KCNT2: variants seen among roughly 807,000 people sequenced by gnomAD.
KCNT2 encodes potassium sodium-activated channel subfamily T member 2, also known as potassium channel subfamily T member 2.
A neutral mutation model predicts 153.8 loss-of-function variants in KCNT2; 67 were observed. That is an observed-to-expected ratio of 0.44 (90% CI 0.36 to 0.53). The LOEUF is 0.53. KCNT2 is among the 20% of genes least tolerant of loss of function. The pLI, the probability that KCNT2 is intolerant of heterozygous loss-of-function variation, is 0.00. For missense variants in KCNT2, 975 were observed against 1,354.8 expected, an observed-to-expected ratio of 0.72 and a Z score of 4.40; for synonymous variants, 500 against 458.8, an observed-to-expected ratio of 1.09 and a Z score of -1.15.
chr1:196,309,464 G>T (rs574277725), intron 21 of KCNT2, among the ~76,000 whole-genome samples: 3 of 151,910 alleles, frequency 2.0e-5, no homozygotes, highest in South Asian at 2.1e-4. Flanking sequence ...GTGGCTTCTG[G>T]AGTTGAAATT....
intron 1 of KCNT2, among the ~76,000 whole-genome samples, chr1:196,599,273 G>A (rs1326110766): frequency 6.6e-6 from 1 of 152,184 alleles, no homozygotes; most frequent in Non-Finnish European, 1.5e-5. Flanking sequence ...TTCCCACAGG[G>A]AGTTAAATGA....
chr1:196,289,878 C>G (rs1014102830), intron 22 of KCNT2, among the ~76,000 whole-genome samples: 8 of 151,864 alleles, frequency 5.3e-5, no homozygotes, highest in African/African-American at 1.9e-4. Context: ...TAAAAGAATA[C>G]CAATGACATT....
At position 196,429,704 on chromosome 1, in the gene KCNT2, T is replaced by A. The variant is rs1266489977; in HGVS notation, c.692A>T (p.Asp231Val). ...CGTCACAATGCAGAAATAAAGGGAGTCAAAGAGATTCAGCTTCTTTCCTAT... is the reference window on the plus strand; with the variant it reads ...CGTCACAATGCAGAAATAAAGGGAGACAAAGAGATTCAGCTTCTTTCCTAT... ...ERIGKKLNLF[D>V]SLYFCIVTFS... The change falls in exon 9 of 28, where the codon GAC (aspartate) becomes GTC (valine). Residue 231 changes from aspartate (D) to valine (V), a missense_variant. By Grantham distance (152) the Asp-to-Val change is radical (BLOSUM62 -3). This residue lies in a region of KCNT2 where 202 missense variants were observed against 314.9 expected (regional missense o/e 0.64). Coordinates refer to ENST00000294725, the MANE Select transcript of KCNT2 (RefSeq NM_198503.5). 1 of 1,610,978 alleles carries A rather than the reference T, an allele frequency of 6.2e-7. No homozygotes were observed. Among genetic ancestry groups the A allele is most frequent in the Non-Finnish European group, 8.5e-7 (1 of 1,178,688 alleles).
chr1:196,301,547 T>C lies in KCNT2; in HGVS notation c.2595+3687A>G, dbSNP rs2147963380. Among the ~76,000 whole-genome samples, 3 of 152,278 alleles carry C rather than the reference T, an allele frequency of 2.0e-5. No homozygotes were observed. In the South Asian group the frequency reaches 6.2e-4, roughly 32 times the overall value. ...AGTGGAAACCATATATTAATATTTA[T>C]TAGAATGCAAGGTCTACAAGGAAAA... On this transcript the variant is annotated intron_variant, in intron 22 of 27. Coordinates refer to ENST00000294725, the MANE Select transcript of KCNT2 (RefSeq NM_198503.5).
At chr1:196,527,594 A>C (rs370284895) in intron 1 of KCNT2, among the ~76,000 whole-genome samples, 1 of 152,178 alleles carries the variant, frequency 6.6e-6, no homozygotes, top group Non-Finnish European at 1.5e-5. Flanking sequence ...AACAATATTA[A>C]TAGGAAACCA....
intron 25 of KCNT2, among the ~76,000 whole-genome samples, chr1:196,265,802 A>G (rs12409953): frequency 0.11 from 16,394 of 152,146 alleles, 1,264 homozygotes; most frequent in African/African-American, 0.22. Flanking sequence ...TATAGAGAAA[A>G]GCAAACATGG....
intron 1 of KCNT2, among the ~76,000 whole-genome samples, chr1:196,516,600 A>G (rs2148812827): frequency 6.6e-6 from 1 of 152,312 alleles, no homozygotes; most frequent in East Asian, 1.9e-4. Context: ...GGAGCAGACC[A>G]CAACACAGCA....
At chr1:196,555,209 G>T (rs1367385321) in intron 1 of KCNT2, among the ~76,000 whole-genome samples, 2 of 151,232 alleles carry the variant, frequency 1.3e-5, no homozygotes, top group Non-Finnish European at 1.5e-5. Flanking sequence ...ATCCTTATTT[G>T]CAGATGATAC....
Position 196,369,969 on chromosome 1 carries a change from A to G in KCNT2, c.1403+3171T>C, listed in dbSNP as rs568747667. 9.7e-4 allele frequency among the ~76,000 whole-genome samples: 147 copies of G among 152,218 alleles called. 2 individuals are homozygous for G. Among genetic ancestry groups the G allele is most frequent in the Non-Finnish European group, 4.3e-4 (29 of 68,004 alleles). ...ATGCAGCCAAAAAACACATGAAAAA[A>G]TGCTCACCATCACTGGCCATCAGAG... On this transcript the variant is annotated intron_variant, in intron 14 of 27. Transcript: ENST00000294725.
At chr1:196,550,240 G>C (rs143456590) in intron 1 of KCNT2, among the ~76,000 whole-genome samples, 219 of 151,846 alleles carry the variant, frequency 1.4e-3, no homozygotes, top group Non-Finnish European at 4.6e-4. Context: ...ATTTCAAAAT[G>C]TATGTGCACT....
chr1:196,555,854 T>A (rs997091715), intron 1 of KCNT2, among the ~76,000 whole-genome samples: 63 of 151,366 alleles, frequency 4.2e-4, no homozygotes, highest in African/African-American at 1.4e-3. Context: ...TCCACATCCC[T>A]ATGGTGATCT....
intron 14 of KCNT2, among the ~76,000 whole-genome samples, chr1:196,343,474 A>C (rs1373860207): frequency 3.9e-5 from 6 of 152,192 alleles, no homozygotes; most frequent in Admixed American, 3.9e-4. Context: ...ATTTATCATA[A>C]TCTCTAATCA....
intron 1 of KCNT2, among the ~76,000 whole-genome samples, chr1:196,512,016 C>T (rs184486721): frequency 3.9e-5 from 6 of 152,318 alleles, no homozygotes; most frequent in South Asian, 2.1e-4. Context: ...AATTCCACCT[C>T]TCCACCTAAT....
chr1:196,594,453 C>A (rs990778561), intron 1 of KCNT2, among the ~76,000 whole-genome samples: 21 of 152,010 alleles, frequency 1.4e-4, no homozygotes, highest in African/African-American at 5.1e-4. Flanking sequence ...ATATTCATAG[C>A]TGTGACATAT....
At position 196,397,715 on chromosome 1, in the gene KCNT2, C is replaced by T. The variant is rs187521208; in HGVS notation, c.1294+848G>A. ...TTGCATCAAAATTCCCTAGTATTTA[C>T]AATTTTTCATTTCAAAATCATACAC... On this transcript the variant is annotated intron_variant, in intron 13 of 27. Coordinates refer to ENST00000294725, the MANE Select transcript of KCNT2 (RefSeq NM_198503.5). 1.4e-4 allele frequency among the ~76,000 whole-genome samples: 21 copies of T among 151,578 alleles called. No homozygotes were observed. The East Asian group carries it at 2.9e-3, about 21-fold the overall frequency.
intron 1 of KCNT2, among the ~76,000 whole-genome samples, chr1:196,566,460 T>G (rs771466739): frequency 6.6e-6 from 1 of 152,062 alleles, no homozygotes; most frequent in African/African-American, 2.4e-5. Flanking sequence ...TTCAAAGATA[T>G]GTTTATGAGT....
At chr1:196,269,344 C>A (rs554805736) in intron 25 of KCNT2, among the ~76,000 whole-genome samples, 2 of 151,826 alleles carry the variant, frequency 1.3e-5, no homozygotes, top group Non-Finnish European at 2.9e-5. Context: ...TTTCAACATG[C>A]GAGTGTGTGT....
At chr1:196,480,673 G>A (rs1227855548) in intron 4 of KCNT2, among the ~76,000 whole-genome samples, 1 of 151,788 alleles carries the variant, frequency 6.6e-6, no homozygotes, top group Non-Finnish European at 1.5e-5. Flanking sequence ...GGCTAACACG[G>A]TGAAACCCCG....
At chr1:196,300,449 T>A (rs1661077858) in intron 22 of KCNT2, among the ~76,000 whole-genome samples, 2 of 152,092 alleles carry the variant, frequency 1.3e-5, no homozygotes. Context: ...CCTTCTTCCC[T>A]GAAGCAGGCC....
Sources: allele counts gnomAD v4.1 joint callset (sites outside exome capture counted in the v4.1 genomes callset), GRCh38; gene constraint gnomAD v4.1.1; regional missense constraint gnomAD v4.1.1; transcripts MANE v1.5; gene names NCBI Gene and HGNC (gene_info 2026-07-23, HGNC 2026-07-21).